The following AGL variants were observed in gnomAD, a reference collection of about 807,000 sequenced individuals.
AGL encodes glycogen debranching enzyme.
In AGL, 128 loss-of-function variants were observed where a neutral mutation model predicts 199.3. That is an observed-to-expected ratio of 0.64 (90% CI 0.56 to 0.74). The LOEUF is 0.74. Ranked by LOEUF, AGL falls within the 30% of genes least tolerant of loss-of-function variation. AGL has a pLI of 0.00. For synonymous variants in AGL, 584 were observed against 594.7 expected, an observed-to-expected ratio of 0.98 and a Z score of 0.26; for missense variants, 1,809 against 1,820.8, an observed-to-expected ratio of 0.99 and a Z score of 0.12.
intron 20 of AGL, among the ~76,000 whole-genome samples, chr1:99,887,183 A>G (rs1557769140): frequency 6.6e-6 from 1 of 152,220 alleles, no homozygotes. Flanking sequence ...TCAAGAGGAT[A>G]TGTGTTCACA....
chr1:99,857,877 TTCTC>T (rs987449424), intron 2 of AGL, among the ~76,000 whole-genome samples: 6 of 121,120 alleles, frequency 5.0e-5, no homozygotes, highest in African/African-American at 1.9e-4. Context: ...CTCTTTTCTT[TTCTC>T]TCTACCTGTT....
intron 21 of AGL, among the ~76,000 whole-genome samples, chr1:99,888,896 C>T (rs1405799932): frequency 3.3e-5 from 5 of 152,106 alleles, no homozygotes; most frequent in African/African-American, 1.2e-4. Context: ...ATTTCTTTGT[C>T]CTCCAGACAC....
intron 5 of AGL, among the ~76,000 whole-genome samples, chr1:99,869,092 T>G (rs1157036539): frequency 6.6e-6 from 1 of 152,204 alleles, no homozygotes; most frequent in African/African-American, 2.4e-5. Context: ...CCCAAAGTGC[T>G]GAGATTACAG....
chr1:99,851,018 G>T lies in AGL; in HGVS notation c.-25G>T, dbSNP rs373822240. The T allele has an allele frequency of 8.7e-5, 138 of 1,583,282 alleles. No individual in the cohort carries two copies. Among genetic ancestry groups the T allele is most frequent in the Non-Finnish European group, 1.1e-4 (132 of 1,152,282 alleles). On this transcript the variant is annotated 5_prime_UTR_variant, in exon 2 of 34. Coordinates refer to ENST00000361915, the MANE Select transcript of AGL (RefSeq NM_000642.3). ...TGGAGTTCTTTTAATTCTTATGAAA[G>T]ATTTCAAATCCTCTAGAAGCCAAAA...
chr1:99,904,813 A>G (rs1221362251), intron 27 of AGL, among the ~76,000 whole-genome samples: 3 of 152,154 alleles, frequency 2.0e-5, no homozygotes, highest in Admixed American at 2.0e-4. Flanking sequence ...TTTATTGCTG[A>G]GTAGTATTCC....
At chr1:99,884,533 C>A (rs767915708) in intron 19 of AGL, 36 bp from the exon 20 acceptor site, 2 of 1,609,512 alleles carry the variant, frequency 1.2e-6, no homozygotes, top group South Asian at 1.1e-5. Context: ...ATAAATTACT[C>A]CTAAAAATTA....
At chr1:99,891,096 G>A in intron 21 of AGL, 124 bp from the exon 22 acceptor site, 2 of 1,180,424 alleles carry the variant, frequency 1.7e-6, no homozygotes, top group Non-Finnish European at 2.5e-6. Flanking sequence ...TAGCCCTTGT[G>A]TGTGCCTCTA....
intron 5 of AGL, among the ~76,000 whole-genome samples, chr1:99,869,906 A>G (rs1381485675): frequency 6.6e-6 from 1 of 152,034 alleles, no homozygotes; most frequent in Non-Finnish European, 1.5e-5. Flanking sequence ...TCCAACCTCC[A>G]CTCCCACAAA....
intron 20 of AGL, among the ~76,000 whole-genome samples, chr1:99,887,640 A>T (rs1261503294): frequency 6.6e-6 from 1 of 152,150 alleles, no homozygotes; most frequent in African/African-American, 2.4e-5. Context: ...AAGGAAGGAA[A>T]ACACTAAGTC....
chr1:99,878,116 G>A (rs149836120), intron 12 of AGL, among the ~76,000 whole-genome samples: 2 of 152,132 alleles, frequency 1.3e-5, no homozygotes, highest in African/African-American at 4.8e-5. Flanking sequence ...TGGCTACTGT[G>A]AATACATAAA....
intron 25 of AGL, among the ~76,000 whole-genome samples, chr1:99,898,227 T>C (rs1168472632): frequency 6.6e-6 from 1 of 152,148 alleles, no homozygotes; most frequent in African/African-American, 2.4e-5. Flanking sequence ...TTTGTATTTT[T>C]AGTAGAGACC....
At chr1:99,852,599 C>T in intron 2 of AGL, 3 of 692,248 alleles carry the variant, frequency 4.3e-6, no homozygotes, top group Non-Finnish European at 8.0e-6. Context: ...TGATATTGAA[C>T]TCCTGGACTC....
rs1655662783 is a variant in AGL, at chr1:99,923,687, GTGTCATT to G, written c.*2039_*2045del. ...AAATACAGAATTAGATTTTTAACAG[GTGTCATT>G]TGACTAAACGTTTCGGTAGAATGCT... On this transcript the variant is annotated 3_prime_UTR_variant, in exon 34 of 34. Transcript: ENST00000361915. 1.3e-5 allele frequency: 2 copies of G among 152,138 alleles called. No individual in the cohort carries two copies. Among genetic ancestry groups the G allele is most frequent in the Admixed American group, 6.6e-5 (1 of 15,266 alleles). The allele number at this position is 152,138 out of a possible 1,614,324, so 9.4% of individuals were successfully genotyped here.
rs1351689398 is a variant in AGL, at chr1:99,881,376, A to C, written c.2086A>C (p.Ser696Arg). The C allele has an allele frequency of 1.2e-6, 2 of 1,614,164 alleles. No homozygotes were observed. Among genetic ancestry groups the C allele is most frequent in the South Asian group, 2.2e-5 (2 of 91,084 alleles). Residue 696 changes from serine (S) to arginine (R), a missense_variant, in exon 16 of 34, where the codon AGC (serine) becomes CGC (arginine). Ser to Arg is a moderately radical substitution (Grantham distance 110). Coordinates refer to ENST00000361915, the MANE Select transcript of AGL (RefSeq NM_000642.3). Reference protein sequence around the residue: ...PSNTGEVNFQSGIIAARCAIS... With the variant: ...PSNTGEVNFQRGIIAARCAIS... ...AAACACAGGTGAAGTTAATTTCCAA[A>C]GCGGCATTATTGCAGCCAGGTGTGC...
intron 21 of AGL, among the ~76,000 whole-genome samples, chr1:99,889,093 C>CA (rs1652678791): frequency 2.7e-5 from 1 of 36,512 alleles, no homozygotes; most frequent in Admixed American, 3.4e-4. Flanking sequence ...TTACTTTTCC[C>CA]CTGCAAAATG....
At chr1:99,872,749 G>T (rs1046873125) in intron 7 of AGL, among the ~76,000 whole-genome samples, 1 of 152,048 alleles carries the variant, frequency 6.6e-6, no homozygotes, top group Non-Finnish European at 1.5e-5. Flanking sequence ...GGATGGTCTC[G>T]ATCTCTTGAC....
rs1652974391 is a variant in AGL at position 99,892,470 on chromosome 1, C to T, written c.3122C>T (p.Ser1041Leu). The T allele has an allele frequency of 6.2e-7, 1 of 1,613,458 alleles. No homozygotes were observed. Among genetic ancestry groups the T allele is most frequent in the African/African-American group, 1.3e-5 (1 of 74,896 alleles). ...GGTTCAACCTTTGTGAAACACCTTT[C>T]ATTGGGTTCAGTTCAACTGTGTGGA... ...QNGSTFVKHL[S>L]LGSVQLCGVG... The change falls in exon 24 of 34, where the codon TCA (serine) becomes TTA (leucine). Residue 1041 changes from serine (S) to leucine (L), a missense_variant. Coordinates refer to ENST00000361915, the MANE Select transcript of AGL (RefSeq NM_000642.3).
chr1:99,862,833 C>A (rs890477898), intron 4 of AGL, among the ~76,000 whole-genome samples: 13 of 152,232 alleles, frequency 8.5e-5, no homozygotes, highest in Middle Eastern at 3.4e-3. Flanking sequence ...TCGGGGATTA[C>A]AATTCGAATG....
At chr1:99,875,125 T>C (rs1213431361) in intron 8 of AGL, 29 bp from the exon 9 acceptor site, 4 of 1,574,936 alleles carry the variant, frequency 2.5e-6, no homozygotes, top group African/African-American at 1.4e-5. Context: ...CCATTAAATA[T>C]TATATCTGCA....
Sources: allele counts gnomAD v4.1 joint callset (sites outside exome capture counted in the v4.1 genomes callset), GRCh38; gene constraint gnomAD v4.1.1; transcripts MANE v1.5; gene names NCBI Gene and HGNC (gene_info 2026-07-23, HGNC 2026-07-21).